The following GALNT10 variants were observed in gnomAD, a reference collection of about 807,000 sequenced individuals.
GALNT10 encodes polypeptide N-acetylgalactosaminyltransferase 10, also known as GalNAc transferase 10.
Under a neutral mutation model 75.0 loss-of-function variants are expected in GALNT10, and 41 were observed. That is an observed-to-expected ratio of 0.55 (90% CI 0.43 to 0.71). GALNT10 has a LOEUF of 0.71. GALNT10 is among the 30% of genes least tolerant of loss of function. The pLI is 0.00. For synonymous variants in GALNT10, 302 were observed against 313.0 expected, an observed-to-expected ratio of 0.96 and a Z score of 0.37; for missense variants, 727 against 818.5, an observed-to-expected ratio of 0.89 and a Z score of 1.36.
intron 1 of GALNT10, among the ~76,000 whole-genome samples, chr5:154,252,169 T>C (rs1753533288): frequency 6.6e-6 from 1 of 152,146 alleles, no homozygotes; most frequent in Non-Finnish European, 1.5e-5. Context: ...GCATATGCTC[T>C]CCCATTTCCC....
At chr5:154,281,719 C>T (rs1219075132) in intron 1 of GALNT10, among the ~76,000 whole-genome samples, 2 of 152,176 alleles carry the variant, frequency 1.3e-5, no homozygotes, top group African/African-American at 4.8e-5. Context: ...TTGAATGGTT[C>T]AAACAAGATA....
At chr5:154,374,839 T>C (rs1474950655) in intron 4 of GALNT10, among the ~76,000 whole-genome samples, 1 of 152,208 alleles carries the variant, frequency 6.6e-6, no homozygotes, top group Admixed American at 6.5e-5. Context: ...TTTAAGCTCA[T>C]AGTTGTGGAG....
intron 5 of GALNT10, among the ~76,000 whole-genome samples, chr5:154,379,159 A>G (rs562422529): frequency 3.9e-5 from 6 of 152,338 alleles, no homozygotes; most frequent in African/African-American, 1.2e-4. Flanking sequence ...CATGTGCCCC[A>G]GTAAGAACTA....
Position 154,376,582 on chromosome 5 carries a change from A to G in GALNT10, c.754+120A>G. Reference sequence around the variant, plus strand: ...CTTGCCTGTTCGAGATGCCCCCAGCACAATGCCAGGTGCCATGAGGGATTC... The same window carrying G: ...CTTGCCTGTTCGAGATGCCCCCAGCGCAATGCCAGGTGCCATGAGGGATTC... On this transcript the variant is annotated intron_variant, in intron 5 of 11. Coordinates refer to ENST00000297107, the MANE Select transcript of GALNT10 (RefSeq NM_198321.4). The surrounding 1 kb of genome is among the most constrained non-coding windows in gnomAD (Gnocchi z 4.1). The G allele has an allele frequency of 1.6e-6, 1 of 633,814 alleles. No individual in the cohort carries two copies. Among genetic ancestry groups the G allele is most frequent in the Non-Finnish European group, 2.7e-6 (1 of 374,894 alleles). The allele number at this position is 633,814 out of a possible 1,614,324, so 39.3% of individuals were successfully genotyped here. A position where few individuals can be genotyped will look rare whatever the true frequency, so the allele number is the denominator to read the frequency against.
At chr5:154,329,483 G>A (rs1004976) in intron 3 of GALNT10, 89 bp from the exon 4 acceptor site, 782,154 of 1,021,760 alleles carry the variant, frequency 0.77, 300,416 homozygotes, top group Admixed American at 0.87. Flanking sequence ...AGGAAGTGGG[G>A]TTTGCAGTTA....
At chr5:154,200,211 C>T (rs779890244) in intron 1 of GALNT10, among the ~76,000 whole-genome samples, 17 of 152,304 alleles carry the variant, frequency 1.1e-4, no homozygotes, top group Admixed American at 6.5e-5. Flanking sequence ...CCCAGGCAGC[C>T]GTGCCAGGGC....
intron 1 of GALNT10, among the ~76,000 whole-genome samples, chr5:154,238,829 A>G (rs1454187652): frequency 6.6e-6 from 1 of 152,208 alleles, no homozygotes; most frequent in Non-Finnish European, 1.5e-5. Context: ...ACCTTCAGAA[A>G]AAAGTATATC....
In GALNT10 at chr5:154,375,179, C is replaced by T. The variant is rs982336590; in HGVS notation, c.569-1098C>T. On this transcript the variant is annotated intron_variant, in intron 4 of 11. Coordinates refer to ENST00000297107, the MANE Select transcript of GALNT10 (RefSeq NM_198321.4). The stretch of plus-strand genomic sequence containing the variant: ...GAATTTACTGGCCGTATGTCTAATC[C>T]TTATGCCTTTTCTTTTTCTTACCAG... Among the ~76,000 whole-genome samples, 3 of 152,136 alleles carry T rather than the reference C, an allele frequency of 2.0e-5. No individual in the cohort carries two copies. The South Asian group carries it at 6.2e-4, about 31-fold the overall frequency.
At chr5:154,351,986 A>G (rs1755210087) in intron 4 of GALNT10, among the ~76,000 whole-genome samples, 1 of 152,258 alleles carries the variant, frequency 6.6e-6, no homozygotes, top group African/African-American at 2.4e-5. Context: ...CAACAGGAAG[A>G]CATTATCATC....
At chr5:154,350,502 A>C (rs757488449) in intron 4 of GALNT10, among the ~76,000 whole-genome samples, 1 of 152,228 alleles carries the variant, frequency 6.6e-6, no homozygotes, top group Non-Finnish European at 1.5e-5. Flanking sequence ...GAGACAATCA[A>C]AGATAGTTAA....
chr5:154,373,763 G>A (rs1326919925), intron 4 of GALNT10, among the ~76,000 whole-genome samples: 2 of 152,136 alleles, frequency 1.3e-5, no homozygotes, highest in African/African-American at 4.8e-5. Flanking sequence ...TGTCTAATAA[G>A]GACAAGAGAA....
chr5:154,294,898 G>A lies in GALNT10; in HGVS notation c.242G>A (p.Arg81Gln), dbSNP rs745377742. Residue 81 changes from arginine to glutamine, a missense_variant, in exon 2 of 12, where the codon CGG becomes CAG. By Grantham distance (43) the Arg-to-Gln change is conservative (BLOSUM62 1). Coordinates refer to ENST00000297107, the MANE Select transcript of GALNT10 (RefSeq NM_198321.4). ...LKDWHDKEAI[R>Q]RDAQRVGNGE... ...GACTGGCATGACAAGGAGGCCATCC[G>A]GAGGGACGCTCAGCGCGTAGGTACG... 112 of 1,578,330 alleles carry A rather than the reference G, an allele frequency of 7.1e-5. 1 individual carries two copies. In the South Asian group the frequency reaches 9.4e-4, roughly 13 times the overall value.
chr5:154,286,385 G>GT (rs57576993), intron 1 of GALNT10, among the ~76,000 whole-genome samples: 482 of 139,256 alleles, frequency 3.5e-3, no homozygotes, highest in Non-Finnish European at 4.2e-3. Context: ...GAGTCGATTT[G>GT]TTTTTTTTTT....
chr5:154,340,742 C>A (rs1655173999), intron 4 of GALNT10, among the ~76,000 whole-genome samples: 1 of 152,154 alleles, frequency 6.6e-6, no homozygotes, highest in Admixed American at 6.5e-5. Flanking sequence ...CTGAAGCTTT[C>A]AAGAACATCT....
chr5:154,344,495 C>T (rs1229371364), intron 4 of GALNT10, among the ~76,000 whole-genome samples: 1 of 152,282 alleles, frequency 6.6e-6, no homozygotes, highest in Non-Finnish European at 1.5e-5. Flanking sequence ...CAGGCATGAG[C>T]CACTGCGCCT....
chr5:154,410,423 G>A (rs1300349782), intron 9 of GALNT10, among the ~76,000 whole-genome samples: 1 of 151,626 alleles, frequency 6.6e-6, no homozygotes, highest in African/African-American at 2.4e-5. Flanking sequence ...GTAATGGTAT[G>A]TGCCTGTAGT....
intron 2 of GALNT10, 90 bp from the exon 3 acceptor site, chr5:154,297,851 G>T: frequency 8.4e-7 from 1 of 1,190,964 alleles, no homozygotes; most frequent in Non-Finnish European, 1.2e-6. Flanking sequence ...TTATCTTGGA[G>T]GTTTAATCAT....
intron 7 of GALNT10, among the ~76,000 whole-genome samples, chr5:154,397,538 A>C (rs775424380): frequency 5.7e-4 from 87 of 152,130 alleles, no homozygotes; most frequent in Non-Finnish European, 9.1e-4. Context: ...AGACTTATAA[A>C]ACTTGCTTAA....
intron 1 of GALNT10, among the ~76,000 whole-genome samples, chr5:154,203,312 G>A (rs996317840): frequency 2.0e-5 from 3 of 152,084 alleles, no homozygotes; most frequent in Non-Finnish European, 4.4e-5. Flanking sequence ...CAAATATGAT[G>A]AGAAATGACA....
Sources: allele counts gnomAD v4.1 joint callset (sites outside exome capture counted in the v4.1 genomes callset), GRCh38; gene constraint gnomAD v4.1.1; non-coding constraint Gnocchi (gnomAD v3.1); transcripts MANE v1.5; gene names NCBI Gene and HGNC (gene_info 2026-07-23, HGNC 2026-07-21).